TAF1B: variants seen among roughly 807,000 people sequenced by gnomAD.
TAF1B encodes the protein TATA-box binding protein associated factor, RNA polymerase I subunit B.
Under a neutral mutation model 83.9 loss-of-function variants are expected in TAF1B, and 61 were observed. The observed-to-expected ratio is 0.73, with a 90% CI of 0.59 to 0.90. The LOEUF (loss-of-function observed/expected upper bound fraction) is 0.90. Among genes scored for constraint, TAF1B ranks in the 40% least tolerant of loss-of-function variants. The pLI is 0.00. For synonymous variants in TAF1B, 221 were observed against 224.6 expected, an observed-to-expected ratio of 0.98 and a Z score of 0.14; for missense variants, 625 against 677.0, an observed-to-expected ratio of 0.92 and a Z score of 0.85.
intron 8 of TAF1B, among the ~76,000 whole-genome samples, chr2:9,886,041 G>A (rs914017517): frequency 6.6e-6 from 1 of 151,898 alleles, no homozygotes; most frequent in Non-Finnish European, 1.5e-5. Flanking sequence ...ATATGACTTG[G>A]GAATAAGTAA....
chr2:9,911,636 A>G (rs1222608863), intron 11 of TAF1B, 79 bp downstream of exon 11: 1 of 1,042,534 alleles, frequency 9.6e-7, no homozygotes, highest in Non-Finnish European at 1.4e-6. Flanking sequence ...TAGGCAAACA[A>G]CTTTGAAAAA....
At chr2:9,898,706 C>G (rs1229799946) in intron 8 of TAF1B, among the ~76,000 whole-genome samples, 1 of 152,100 alleles carries the variant, frequency 6.6e-6, no homozygotes, top group South Asian at 2.1e-4. Flanking sequence ...CTTGGTGTTA[C>G]ATTTTTAATA....
At chr2:9,876,678 T>C (rs1348988954) in intron 7 of TAF1B, among the ~76,000 whole-genome samples, 1 of 152,238 alleles carries the variant, frequency 6.6e-6, no homozygotes, top group Non-Finnish European at 1.5e-5. Context: ...AGGGTGCTTT[T>C]AACAGCACAA....
chr2:9,933,702 T>C lies in TAF1B; in HGVS notation c.1566-81T>C, dbSNP rs908880142. On this transcript the variant is annotated intron_variant, in intron 14 of 14. Coordinates refer to ENST00000263663, the MANE Select transcript of TAF1B (RefSeq NM_005680.3). Reference sequence around the variant, plus strand: ...TAACCATATATATTTGCTAAGTTATTTGGGGGGATGTTCAGGGGTTAGTGT... The same window carrying C: ...TAACCATATATATTTGCTAAGTTATCTGGGGGGATGTTCAGGGGTTAGTGT... 20 of 1,149,872 alleles carry C rather than the reference T, an allele frequency of 1.7e-5. No individual in the cohort carries two copies. The Admixed American group carries it at 3.1e-4, about 18-fold the overall frequency. The allele number at this position is 1,149,872 out of a possible 1,614,324, so 71.2% of individuals were successfully genotyped here.
intron 8 of TAF1B, among the ~76,000 whole-genome samples, chr2:9,902,142 C>T (rs1033666731): frequency 4.6e-5 from 7 of 151,500 alleles, no homozygotes; most frequent in Admixed American, 2.0e-4. Context: ...TAATTGTCTC[C>T]GTTAAGCATA....
At chr2:9,902,360 C>T (rs947070577) in intron 8 of TAF1B, among the ~76,000 whole-genome samples, 9 of 152,088 alleles carry the variant, frequency 5.9e-5, no homozygotes, top group Admixed American at 2.6e-4. Flanking sequence ...CATGGAGAAG[C>T]GTTACCAGCA....
chr2:9,931,161 A>G (rs1172200673), intron 14 of TAF1B, among the ~76,000 whole-genome samples: 1 of 152,158 alleles, frequency 6.6e-6, no homozygotes, highest in Non-Finnish European at 1.5e-5. Context: ...CATTTAGCCC[A>G]TTTACATTTA....
At chr2:9,895,744 A>G (rs1217439317) in intron 8 of TAF1B, among the ~76,000 whole-genome samples, 2 of 151,002 alleles carry the variant, frequency 1.3e-5, no homozygotes, top group African/African-American at 2.4e-5. Flanking sequence ...TGCACTTTGC[A>G]TTAGCTTTTT....
chr2:9,911,765 A>G (rs1277568082), intron 11 of TAF1B, among the ~76,000 whole-genome samples: 6 of 152,202 alleles, frequency 3.9e-5, no homozygotes, highest in Non-Finnish European at 7.3e-5. Flanking sequence ...TCCGTATTAT[A>G]TGTAAGACCA....
At chr2:9,850,820 C>T (rs1222442359) in intron 3 of TAF1B, among the ~76,000 whole-genome samples, 8 of 152,166 alleles carry the variant, frequency 5.3e-5, no homozygotes, top group African/African-American at 1.7e-4. Flanking sequence ...TTCACAATCT[C>T]TTAGGGTAGT....
At chr2:9,892,918 A>G (rs563288168) in intron 8 of TAF1B, among the ~76,000 whole-genome samples, 20 of 152,284 alleles carry the variant, frequency 1.3e-4, no homozygotes, top group Non-Finnish European at 2.6e-4. Context: ...ATCCTTGCCA[A>G]CACTTACCTT....
chr2:9,924,405 C>T (rs988097095), intron 14 of TAF1B, among the ~76,000 whole-genome samples: 1 of 152,136 alleles, frequency 6.6e-6, no homozygotes. Context: ...GACATCTTGA[C>T]GGCAAACATA....
intron 11 of TAF1B, 28 bp downstream of exon 11, chr2:9,911,585 C>CA (rs773772661): frequency 6.9e-7 from 1 of 1,452,458 alleles, no homozygotes; most frequent in Non-Finnish European, 9.3e-7. Flanking sequence ...CATTCAAATT[C>CA]AAAGTGGTTA....
intron 9 of TAF1B, among the ~76,000 whole-genome samples, chr2:9,907,540 A>G (rs1665383344): frequency 6.6e-6 from 1 of 151,968 alleles, no homozygotes; most frequent in African/African-American, 2.4e-5. Flanking sequence ...GGCTCGGGGA[A>G]AGCTTTCGGC....
At chr2:9,860,903 A>G (rs1663731051) in intron 5 of TAF1B, among the ~76,000 whole-genome samples, 1 of 152,228 alleles carries the variant, frequency 6.6e-6, no homozygotes, top group Non-Finnish European at 1.5e-5. Flanking sequence ...TGCTGCAACA[A>G]GTACAAAGAA....
At chr2:9,851,516 C>A in intron 3 of TAF1B, 25 bp from the exon 4 acceptor site, 1 of 1,558,716 alleles carries the variant, frequency 6.4e-7, no homozygotes, top group Non-Finnish European at 8.7e-7. Flanking sequence ...AATGTATATG[C>A]TAAAACATGC....
At chr2:9,870,004 A>C (rs758254681) in intron 6 of TAF1B, among the ~76,000 whole-genome samples, 17 of 152,190 alleles carry the variant, frequency 1.1e-4, no homozygotes, top group Non-Finnish European at 1.9e-4. Context: ...ATCATTCCAG[A>C]AAGTTTTTCT....
At chr2:9,853,460 T>C (rs1253368369) in intron 4 of TAF1B, among the ~76,000 whole-genome samples, 2 of 152,032 alleles carry the variant, frequency 1.3e-5, no homozygotes, top group African/African-American at 4.8e-5. Flanking sequence ...GAAAAGTCTT[T>C]CTGTTTGCTT....
At position 9,931,956 on chromosome 2, in the gene TAF1B, T is replaced by G. The variant is rs71437685; in HGVS notation, c.1566-1827T>G. 9.6e-3 allele frequency among the ~76,000 whole-genome samples: 1,467 copies of G among 152,362 alleles called. 12 individuals carry two copies. The highest frequency in any genetic ancestry group is 0.017 in the Non-Finnish European group (1,126 of 68,028). On this transcript the variant is annotated intron_variant, in intron 14 of 14. Coordinates refer to ENST00000263663, the MANE Select transcript of TAF1B (RefSeq NM_005680.3). The stretch of plus-strand genomic sequence containing the variant: ...ATACCCTTTCTTCCACTTGATCGAA[T>G]CGGCTATTGAAGCTTGTGCATGTGT...
Sources: allele counts gnomAD v4.1 joint callset (sites outside exome capture counted in the v4.1 genomes callset), GRCh38; gene constraint gnomAD v4.1.1; transcripts MANE v1.5; gene names NCBI Gene and HGNC (gene_info 2026-07-23, HGNC 2026-07-21).